RALGAPA2: variants seen among roughly 807,000 people sequenced by gnomAD.
RALGAPA2 encodes the protein Ral GTPase activating protein catalytic subunit alpha 2, also known as ral GTPase-activating protein subunit alpha-2.
Under a neutral mutation model 230.4 loss-of-function variants are expected in RALGAPA2, and 139 were observed. The ratio of observed to expected loss-of-function variants is 0.60; its 90% CI spans 0.53 to 0.69. The LOEUF (loss-of-function observed/expected upper bound fraction) is 0.69. Among genes scored for constraint, RALGAPA2 ranks in the 30% least tolerant of loss-of-function variants. The pLI is 0.00. For synonymous variants in RALGAPA2, 847 were observed against 837.8 expected (o/e 1.01, Z -0.19); for missense variants, 2,163 against 2,276.0 (o/e 0.95, Z 1.01).
rs536521940 is a variant in RALGAPA2, at chr20:20,623,450, A to G, written c.1234-2820T>C. ...GAATATAAACTAATTCTAAGTCTGT[A>G]TTGCAACTAATAATTTTGCCAAAAA... On this transcript the variant is annotated intron_variant, in intron 10 of 39. Coordinates refer to ENST00000202677, the MANE Select transcript of RALGAPA2 (RefSeq NM_020343.4). Among the ~76,000 whole-genome samples, 6 of 150,484 alleles carry G rather than the reference A, an allele frequency of 4.0e-5. No homozygotes were observed. In the East Asian group the frequency reaches 1.2e-3, roughly 30 times the overall value.
chr20:20,535,837 T>G (rs1452813350), intron 25 of RALGAPA2, 34 bp from the exon 26 acceptor site: 10 of 1,535,444 alleles, frequency 6.5e-6, no homozygotes, highest in Middle Eastern at 1.7e-4. Context: ...ATAAAAACTT[T>G]GTGTCATAGT....
At chr20:20,612,224 C>T (rs1034240949) in intron 13 of RALGAPA2, among the ~76,000 whole-genome samples, 3 of 152,180 alleles carry the variant, frequency 2.0e-5, no homozygotes, top group Non-Finnish European at 2.9e-5. Context: ...TATCTGCTCA[C>T]TTTTTCTTTC....
At chr20:20,525,305 C>T (rs1345672554) in intron 28 of RALGAPA2, among the ~76,000 whole-genome samples, 1 of 152,180 alleles carries the variant, frequency 6.6e-6, no homozygotes, top group Non-Finnish European at 1.5e-5. Flanking sequence ...AACAGCACCC[C>T]TTTTATTCTC....
chr20:20,554,083 GC>G (rs2064008694), intron 23 of RALGAPA2, among the ~76,000 whole-genome samples: 1 of 152,094 alleles, frequency 6.6e-6, no homozygotes, highest in Admixed American at 6.6e-5. Flanking sequence ...TGCAACCGTA[GC>G]CACTATTTAA....
At chr20:20,464,750 T>C (rs1298653193) in intron 37 of RALGAPA2, among the ~76,000 whole-genome samples, 2 of 152,182 alleles carry the variant, frequency 1.3e-5, no homozygotes, top group African/African-American at 2.4e-5. Flanking sequence ...TTAGGGGTGA[T>C]AATGTTAGAA....
intron 2 of RALGAPA2, among the ~76,000 whole-genome samples, chr20:20,677,979 T>C (rs2068394194): frequency 6.6e-6 from 1 of 152,038 alleles, no homozygotes; most frequent in Non-Finnish European, 1.5e-5. Context: ...GCTGCTCTTT[T>C]GACAAGAAAC....
chr20:20,461,067 A>C (rs937140304), intron 37 of RALGAPA2, among the ~76,000 whole-genome samples: 2 of 152,232 alleles, frequency 1.3e-5, no homozygotes, highest in Non-Finnish European at 2.9e-5. Flanking sequence ...AATTATATGC[A>C]TTTGACAAAA....
chr20:20,609,044 C>G (rs2065903635), intron 14 of RALGAPA2, among the ~76,000 whole-genome samples: 1 of 152,152 alleles, frequency 6.6e-6, no homozygotes, highest in Non-Finnish European at 1.5e-5. Context: ...GACCAGGCTG[C>G]AGCACAGTGA....
At chr20:20,679,320 A>C (rs988423936) in intron 2 of RALGAPA2, among the ~76,000 whole-genome samples, 5 of 152,042 alleles carry the variant, frequency 3.3e-5, no homozygotes, top group African/African-American at 1.2e-4. Flanking sequence ...CCTTATAACC[A>C]AGTCTCATAG....
intron 4 of RALGAPA2, among the ~76,000 whole-genome samples, chr20:20,648,215 C>T (rs910171627): frequency 2.6e-5 from 4 of 151,992 alleles, no homozygotes; most frequent in Non-Finnish European, 4.4e-5. Context: ...AAAATAATTA[C>T]GCCAAGTGAA....
At chr20:20,606,983 G>C (rs1335763652) in intron 14 of RALGAPA2, among the ~76,000 whole-genome samples, 1 of 152,162 alleles carries the variant, frequency 6.6e-6, no homozygotes, top group African/African-American at 2.4e-5. Flanking sequence ...CTTGTGAAAA[G>C]GAATCCTTAT....
intron 3 of RALGAPA2, among the ~76,000 whole-genome samples, chr20:20,656,757 C>G (rs766172224): frequency 6.6e-5 from 10 of 152,158 alleles, no homozygotes; most frequent in Non-Finnish European, 1.3e-4. Flanking sequence ...TCCCCATGGG[C>G]ACATAGGATC....
chr20:20,549,360 T>C (rs997858817), intron 23 of RALGAPA2, among the ~76,000 whole-genome samples: 2 of 152,168 alleles, frequency 1.3e-5, no homozygotes, highest in African/African-American at 4.8e-5. Flanking sequence ...CCTCACCCCC[T>C]GGACCTCAGC....
intron 1 of RALGAPA2, among the ~76,000 whole-genome samples, chr20:20,699,807 CAG>C: frequency 6.6e-6 from 1 of 152,084 alleles, no homozygotes; most frequent in Middle Eastern, 3.2e-3. Flanking sequence ...AAAAAAATGA[CAG>C]ATGCTGGTGA....
intron 3 of RALGAPA2, among the ~76,000 whole-genome samples, chr20:20,660,332 T>A (rs2067731570): frequency 6.6e-6 from 1 of 152,196 alleles, no homozygotes; most frequent in Non-Finnish European, 1.5e-5. Context: ...TGTATTTATA[T>A]CGTGATGTTT....
intron 37 of RALGAPA2, among the ~76,000 whole-genome samples, chr20:20,443,748 T>C (rs944115812): frequency 6.6e-6 from 1 of 152,252 alleles, no homozygotes; most frequent in African/African-American, 2.4e-5. Flanking sequence ...GGCTAAATGA[T>C]GAACACAGTG....
chr20:20,572,388 A>G (rs1284741901), intron 21 of RALGAPA2, among the ~76,000 whole-genome samples: 1 of 151,562 alleles, frequency 6.6e-6, no homozygotes, highest in Non-Finnish European at 1.5e-5. Flanking sequence ...GGTTGCAGTG[A>G]GCCAAGATGG....
chr20:20,587,576 A>G (rs2065169760), intron 18 of RALGAPA2, among the ~76,000 whole-genome samples: 1 of 152,128 alleles, frequency 6.6e-6, no homozygotes. Flanking sequence ...TTATAAATAT[A>G]ATATTTTTAT....
At chr20:20,452,806 C>T (rs756757371) in intron 37 of RALGAPA2, among the ~76,000 whole-genome samples, 3 of 152,172 alleles carry the variant, frequency 2.0e-5, no homozygotes, top group Admixed American at 6.5e-5. Context: ...GTTATAAATC[C>T]GACCAACAGA....
Sources: allele counts gnomAD v4.1 joint callset (sites outside exome capture counted in the v4.1 genomes callset), GRCh38; gene constraint gnomAD v4.1.1; transcripts MANE v1.5; gene names NCBI Gene and HGNC (gene_info 2026-07-23, HGNC 2026-07-21).